PSPC1: variants seen among roughly 807,000 people sequenced by gnomAD.
PSPC1 encodes paraspeckle protein 1.
PSPC1 carries 14 observed loss-of-function variants against 51.6 expected under a neutral mutation model. The observed-to-expected ratio is 0.27, with a 90% CI of 0.18 to 0.42. PSPC1 has a LOEUF of 0.42. PSPC1 is among the 10% of genes least tolerant of loss of function. The pLI is 1.00. For synonymous variants in PSPC1, 193 were observed against 231.9 expected (o/e 0.83, Z 1.53); for missense variants, 406 against 701.1 (o/e 0.58, Z 4.75).
chr13:19,762,145 TAC>T (rs1373844197), intron 2 of PSPC1, among the ~76,000 whole-genome samples: 2 of 152,200 alleles, frequency 1.3e-5, no homozygotes, highest in Non-Finnish European at 2.9e-5. Flanking sequence ...AGAGGAGAAG[TAC>T]AGATTTCTAA....
chr13:19,757,506 C>T (rs1482387576), intron 3 of PSPC1, among the ~76,000 whole-genome samples: 1 of 152,172 alleles, frequency 6.6e-6, no homozygotes, highest in Admixed American at 6.6e-5. Context: ...GATCACATCT[C>T]TAAGTGGAGA....
intron 6 of PSPC1, among the ~76,000 whole-genome samples, chr13:19,683,168 G>C (rs553944915): frequency 6.6e-6 from 1 of 152,198 alleles, no homozygotes; most frequent in Non-Finnish European, 1.5e-5. Flanking sequence ...CTGATCCTAG[G>C]AATTTTCCCC....
chr13:19,717,336 C>A (rs916762718), intron 6 of PSPC1, among the ~76,000 whole-genome samples: 1 of 151,978 alleles, frequency 6.6e-6, no homozygotes, highest in African/African-American at 2.4e-5. Context: ...GAGGCTGAGG[C>A]AGGCAGATCA....
chr13:19,673,770 C>T (rs569123462), downstream of PSPC1, among the ~76,000 whole-genome samples: 6 of 152,288 alleles, frequency 3.9e-5, no homozygotes, highest in East Asian at 1.2e-3. Context: ...TCAAATAGTT[C>T]AAATTATCCG....
chr13:19,780,225 C>T (rs1177321335), intron 1 of PSPC1, among the ~76,000 whole-genome samples: 4 of 130,952 alleles, frequency 3.1e-5, no homozygotes, highest in Admixed American at 7.7e-5. Flanking sequence ...CCACCCCGTC[C>T]GGGAGGTGAG....
intron 6 of PSPC1, among the ~76,000 whole-genome samples, chr13:19,687,211 A>G (rs1877994544): frequency 6.6e-6 from 1 of 150,982 alleles, no homozygotes; most frequent in African/African-American, 2.4e-5. Context: ...AAAAAATTAA[A>G]ATTAATATTA....
At chr13:19,708,585 T>C (rs1283693257) in intron 7 of PSPC1, among the ~76,000 whole-genome samples, 1 of 152,228 alleles carries the variant, frequency 6.6e-6, no homozygotes, top group Middle Eastern at 3.2e-3. Context: ...AGCAAATCCA[T>C]ACTAAAGTTG....
intron 2 of PSPC1, among the ~76,000 whole-genome samples, chr13:19,771,745 C>G (rs1052889278): frequency 6.6e-6 from 1 of 152,020 alleles, no homozygotes; most frequent in African/African-American, 2.4e-5. Flanking sequence ...CTCAGCCTCC[C>G]CAGTAGCTGG....
chr13:19,746,789 T>C (rs1886039148), intron 4 of PSPC1, among the ~76,000 whole-genome samples: 1 of 151,770 alleles, frequency 6.6e-6, no homozygotes, highest in Non-Finnish European at 1.5e-5. Context: ...CAATTATTAT[T>C]GTAAGGTACC....
At chr13:19,694,007 C>T (rs1878878989) in intron 6 of PSPC1, among the ~76,000 whole-genome samples, 1 of 151,274 alleles carries the variant, frequency 6.6e-6, no homozygotes, top group African/African-American at 2.4e-5. Flanking sequence ...CCTGTAGTCC[C>T]AGCTACTTGG....
chr13:19,699,082 A>G (rs1257650705), downstream of PSPC1, among the ~76,000 whole-genome samples: 1 of 152,006 alleles, frequency 6.6e-6, no homozygotes, highest in South Asian at 2.1e-4. Context: ...GCCTTTAAAC[A>G]CTGTCTTACA....
chr13:19,681,196 C>G (rs1325576257), intron 6 of PSPC1, among the ~76,000 whole-genome samples: 1 of 152,078 alleles, frequency 6.6e-6, no homozygotes, highest in Non-Finnish European at 1.5e-5. Context: ...GCCTGGGTGA[C>G]AGAGTGACAC....
downstream of PSPC1, among the ~76,000 whole-genome samples, chr13:19,699,867 C>T (rs1477413109): frequency 6.6e-6 from 1 of 151,952 alleles, no homozygotes; most frequent in East Asian, 1.9e-4. Flanking sequence ...TCCTCTGACA[C>T]CTCAGAAATA....
chr13:19,690,390 G>C (rs1878410070), intron 6 of PSPC1, among the ~76,000 whole-genome samples: 1 of 152,124 alleles, frequency 6.6e-6, no homozygotes, highest in Non-Finnish European at 1.5e-5. Flanking sequence ...ATTTCCTGAC[G>C]AGTTGCTCCT....
At chr13:19,686,023 A>G (rs935845587) in intron 6 of PSPC1, among the ~76,000 whole-genome samples, 4 of 152,178 alleles carry the variant, frequency 2.6e-5, no homozygotes, top group Non-Finnish European at 5.9e-5. Flanking sequence ...TGATCTTTGC[A>G]GACCAAGCCA....
At chr13:19,780,184 G>T (rs1889783357) in intron 1 of PSPC1, among the ~76,000 whole-genome samples, 1 of 123,412 alleles carries the variant, frequency 8.1e-6, no homozygotes, top group Non-Finnish European at 1.8e-5. Flanking sequence ...CGGGAGGGAG[G>T]TGGGGGGGGT....
In PSPC1 at chr13:19,782,673, T is replaced by A; in HGVS notation, c.85A>T (p.Ser29Cys). Residue 29 changes from serine (S) to cysteine (C), a missense_variant, in exon 1 of 9, where the codon AGC becomes TGC. Transcript: ENST00000338910. The surrounding 1 kb of genome is among the most constrained non-coding windows in gnomAD (Gnocchi z 4.5). ...ATGGCTGCCGCGGCCGCCGGCTCGC[T>A]CTCGCCCACCGCGGACTCCAGGGCG... is the stretch of plus-strand genomic sequence containing the variant. ...LRALESAVGE[S>C]EPAAAAAMAL... 1 of 1,561,254 alleles carries A rather than the reference T, an allele frequency of 6.4e-7. No homozygotes were observed. Among genetic ancestry groups the A allele is most frequent in the Non-Finnish European group, 8.6e-7 (1 of 1,163,172 alleles).
chr13:19,767,085 C>G (rs1270048489), intron 2 of PSPC1, among the ~76,000 whole-genome samples: 1 of 151,704 alleles, frequency 6.6e-6, no homozygotes, highest in African/African-American at 2.4e-5. Flanking sequence ...GAGGCAGGCA[C>G]ATCACCTAAG....
At chr13:19,746,471 T>C (rs2138081690) in intron 4 of PSPC1, among the ~76,000 whole-genome samples, 2 of 151,736 alleles carry the variant, frequency 1.3e-5, no homozygotes, top group East Asian at 2.0e-4. Flanking sequence ...ACGCCTGTAA[T>C]CCTGACACTT....
Sources: gnomAD v4.1 joint callset for allele counts (sites outside exome capture counted in the v4.1 genomes callset) on GRCh38, gnomAD v4.1.1 for gene constraint, Gnocchi (gnomAD v3.1) non-coding constraint, MANE v1.5 for transcripts, NCBI Gene and HGNC (gene_info 2026-07-23, HGNC 2026-07-21) for gene names.